Variants in MAF observed in about 807,000 individuals in gnomAD.
MAF encodes transcription factor Maf.
In MAF, 10 loss-of-function variants were observed where a neutral mutation model predicts 22.0. The ratio of observed to expected loss-of-function variants is 0.45; its 90% CI spans 0.28 to 0.77. The LOEUF is 0.77. Ranked by LOEUF, MAF falls within the 30% of genes least tolerant of loss-of-function variation. The pLI is 0.12. For synonymous variants in MAF, 337 were observed against 255.8 expected, an observed-to-expected ratio of 1.32 and a Z score of -3.03; for missense variants, 544 against 548.4, an observed-to-expected ratio of 0.99 and a Z score of 0.08.
At chr16:79,567,614 G>A in the MAF span, among the ~76,000 whole-genome samples, 1 of 152,194 alleles carries the variant, frequency 6.6e-6, no homozygotes, top group East Asian at 1.9e-4. Flanking sequence ...ATTAAATAAA[G>A]TGAGGGCTTC....
At chr16:79,238,236 T>C in the MAF span, among the ~76,000 whole-genome samples, 1 of 152,076 alleles carries the variant, frequency 6.6e-6, no homozygotes, top group Non-Finnish European at 1.5e-5. Context: ...GATGGCTTCA[T>C]AACTGAATGC....
At chr16:79,590,012 C>A (rs566052521), downstream of MAF, among the ~76,000 whole-genome samples, 6 of 152,272 alleles carry the variant, frequency 3.9e-5, no homozygotes, top group East Asian at 1.2e-3. Context: ...TCGGGACCCG[C>A]CCCCTCTGTC....
At chr16:79,436,929 C>T in the MAF span, among the ~76,000 whole-genome samples, 3 of 152,144 alleles carry the variant, frequency 2.0e-5, no homozygotes, top group Non-Finnish European at 2.9e-5. Context: ...TCCCAAGGTG[C>T]CTGTTTTCTA....
chr16:79,569,738 T>A, the MAF span, among the ~76,000 whole-genome samples: 2 of 152,220 alleles, frequency 1.3e-5, no homozygotes, highest in African/African-American at 4.8e-5. Flanking sequence ...ATTATTTAAT[T>A]GATCTGGGCT....
the MAF span, among the ~76,000 whole-genome samples, chr16:79,250,436 C>T: frequency 6.6e-6 from 1 of 152,192 alleles, no homozygotes; most frequent in Admixed American, 6.5e-5. Flanking sequence ...ACCTTTTTGG[C>T]ACTTGGCTCT....
At chr16:79,471,094 C>G in the MAF span, among the ~76,000 whole-genome samples, 2 of 152,166 alleles carry the variant, frequency 1.3e-5, no homozygotes, top group African/African-American at 2.4e-5. Flanking sequence ...TTTAGGTACA[C>G]ATTTGCTGGA....
At chr16:79,534,994 G>A in the MAF span, among the ~76,000 whole-genome samples, 3 of 152,122 alleles carry the variant, frequency 2.0e-5, no homozygotes, top group Admixed American at 6.5e-5. Context: ...TTCCTTTGAG[G>A]ATTAGGTAAA....
chr16:79,354,823 T>C, the MAF span, among the ~76,000 whole-genome samples: 1 of 152,076 alleles, frequency 6.6e-6, no homozygotes, highest in Non-Finnish European at 1.5e-5. Flanking sequence ...GGAACAAGAA[T>C]TGAATTCTAG....
At chr16:79,224,761 A>T in the MAF span, among the ~76,000 whole-genome samples, 1 of 152,232 alleles carries the variant, frequency 6.6e-6, no homozygotes, top group South Asian at 2.1e-4. Flanking sequence ...CCTATTCACA[A>T]TTGCTACAAA....
the MAF span, among the ~76,000 whole-genome samples, chr16:79,400,478 C>T: frequency 6.6e-6 from 1 of 152,236 alleles, no homozygotes; most frequent in East Asian, 1.9e-4. Context: ...AGTGCCTGGC[C>T]TGGTTAAGTA....
In MAF at chr16:79,599,246, A is replaced by G. The variant is rs1913819669; in HGVS notation, c.657T>C (p.Gly219=). The G allele has an allele frequency of 1.0e-6, 1 of 976,850 alleles. No homozygotes were observed. The allele number at this position is 976,850 out of a possible 1,614,324, so 60.5% of individuals were successfully genotyped here. The change falls in exon 1 of 2, where the codon GGT becomes GGC. Residue 219 remains glycine (G), a synonymous_variant. Transcript: ENST00000326043. ...CGCCGCCCCCAGCGCTGGCCGGGCC[A>G]CCGCCGCCCGCGCCCCCAGCGCCAC... ...SAGGAGGAGG[G]GPASAGGGGG...
At chr16:79,380,982 G>C in the MAF span, among the ~76,000 whole-genome samples, 1 of 152,236 alleles carries the variant, frequency 6.6e-6, no homozygotes, top group Non-Finnish European at 1.5e-5. Context: ...TCTCCCCTAA[G>C]ACCTCCCATA....
chr16:79,525,553 G>A, the MAF span, among the ~76,000 whole-genome samples: 9 of 152,258 alleles, frequency 5.9e-5, no homozygotes, highest in African/African-American at 2.2e-4. Context: ...AAAAGAGTAA[G>A]CCATGTTAAA....
chr16:79,394,157 G>A, the MAF span, among the ~76,000 whole-genome samples: 1 of 152,210 alleles, frequency 6.6e-6, no homozygotes, highest in Non-Finnish European at 1.5e-5. Context: ...AGTCCAGAGA[G>A]AAGAAGAGAC....
chr16:79,477,362 A>G, the MAF span, among the ~76,000 whole-genome samples: 1 of 152,182 alleles, frequency 6.6e-6, no homozygotes. Context: ...TCAGTCGCCC[A>G]GTGGGTAGGG....
the MAF span, among the ~76,000 whole-genome samples, chr16:79,238,470 A>G: frequency 3.3e-5 from 5 of 152,026 alleles, no homozygotes; most frequent in Admixed American, 3.3e-4. Flanking sequence ...AAGAAAGTGG[A>G]ATCTGGGCTA....
At chr16:79,248,753 T>A in the MAF span, among the ~76,000 whole-genome samples, 5 of 151,968 alleles carry the variant, frequency 3.3e-5, no homozygotes, top group East Asian at 9.7e-4. Flanking sequence ...GAATTCCAGA[T>A]GATGCCTAGA....
chr16:79,478,020 C>T, the MAF span, among the ~76,000 whole-genome samples: 259 of 152,234 alleles, frequency 1.7e-3, 1 homozygote, highest in Admixed American at 7.3e-3. Context: ...TGCGCCTGGC[C>T]GTGACTTTTA....
the MAF span, among the ~76,000 whole-genome samples, chr16:79,247,763 C>T: frequency 1.3e-5 from 2 of 151,984 alleles, no homozygotes; most frequent in Admixed American, 1.3e-4. Context: ...TGAACTAACT[C>T]CCATTTGTGT....
Sources: allele counts gnomAD v4.1 joint callset (sites outside exome capture counted in the v4.1 genomes callset), GRCh38; gene constraint gnomAD v4.1.1; transcripts MANE v1.5; gene names NCBI Gene and HGNC (gene_info 2026-07-23, HGNC 2026-07-21).